The following OPCML variants were observed in gnomAD, a reference collection of about 807,000 sequenced individuals.
The protein encoded by OPCML is opioid binding protein/cell adhesion molecule like, also known as opioid-binding protein/cell adhesion molecule.
In OPCML, 13 loss-of-function variants were observed where a neutral mutation model predicts 37.8. The observed-to-expected ratio is 0.34, with a 90% CI of 0.22 to 0.55. OPCML has a LOEUF of 0.55. OPCML is among the 20% of genes least tolerant of loss of function. The pLI is 0.91. For missense variants in OPCML, 341 were observed against 435.6 expected (o/e 0.78, Z 1.93); for synonymous variants, 176 against 168.8 (o/e 1.04, Z -0.33).
chr11:133,076,797 C>T (rs761695195), intron 1 of OPCML, among the ~76,000 whole-genome samples: 4 of 152,092 alleles, frequency 2.6e-5, no homozygotes, highest in East Asian at 1.9e-4. Flanking sequence ...GATGGAGCAG[C>T]GTGAAACATG....
At chr11:132,773,551 A>T (rs531924077) in intron 2 of OPCML, among the ~76,000 whole-genome samples, 1 of 152,216 alleles carries the variant, frequency 6.6e-6, no homozygotes, top group South Asian at 2.1e-4. Flanking sequence ...AAGTCTCAGC[A>T]TCATGGTGGC....
At position 133,093,692 on chromosome 11, in the gene OPCML, G is replaced by A. The variant is rs372156377; in HGVS notation, c.62-150682C>T. The stretch of plus-strand genomic sequence containing the variant: ...ACAATACAGGTTCACTGGAGTAGAC[G>A]GTTTTTTCTCCAGGTGATGTGTCTG... On this transcript the variant is annotated intron_variant, in intron 1 of 7. Coordinates refer to ENST00000524381, the MANE Select transcript of OPCML (RefSeq NM_001012393.5). Among the ~76,000 whole-genome samples, 23 of 152,144 alleles carry A rather than the reference G, an allele frequency of 1.5e-4. No homozygotes were observed. In the East Asian group the frequency reaches 3.7e-3, roughly 24 times the overall value.
chr11:133,198,837 T>C (rs1437134359), intron 1 of OPCML, among the ~76,000 whole-genome samples: 1 of 152,214 alleles, frequency 6.6e-6, no homozygotes, highest in Non-Finnish European at 1.5e-5. Context: ...AGAAGATGTG[T>C]ATTCTGGATT....
intron 1 of OPCML, among the ~76,000 whole-genome samples, chr11:133,500,826 T>G (rs1947895036): frequency 6.6e-6 from 1 of 152,024 alleles, no homozygotes; most frequent in Non-Finnish European, 1.5e-5. Context: ...GAGAACAAAC[T>G]CAGAGACTAG....
chr11:132,679,634 T>G (rs1220569507), intron 2 of OPCML, among the ~76,000 whole-genome samples: 1 of 152,224 alleles, frequency 6.6e-6, no homozygotes, highest in Admixed American at 6.5e-5. Flanking sequence ...AGGTATGGGA[T>G]TAACCTGGAG....
Position 132,801,289 on chromosome 11 carries a change from G to A in OPCML, c.146+141637C>T, listed in dbSNP as rs114081879. Among the ~76,000 whole-genome samples the A allele has an allele frequency of 3.9e-3, 601 of 152,200 alleles. 7 individuals are homozygous for A. Among genetic ancestry groups the A allele is most frequent in the African/African-American group, 0.013 (542 of 41,526 alleles). ...TTTGAGTCTTCTCTTTCCCAGTCTA[G>A]CTAAAGGCTTGTCAATTTTGTTGAT... On this transcript the variant is annotated intron_variant, in intron 2 of 7. Coordinates refer to ENST00000524381, the MANE Select transcript of OPCML (RefSeq NM_001012393.5).
intron 1 of OPCML, among the ~76,000 whole-genome samples, chr11:133,375,610 C>T (rs1944785086): frequency 1.3e-5 from 2 of 152,110 alleles, no homozygotes; most frequent in South Asian, 2.1e-4. Flanking sequence ...GGGCACTGAA[C>T]CTGGGATCTC....
chr11:133,127,050 T>C (rs1316025452), intron 1 of OPCML, among the ~76,000 whole-genome samples: 1 of 152,108 alleles, frequency 6.6e-6, no homozygotes, highest in African/African-American at 2.4e-5. Context: ...CTCCAAACTT[T>C]CAAAATATAA....
chr11:132,955,014 T>A (rs953998000), intron 1 of OPCML, among the ~76,000 whole-genome samples: 1 of 152,066 alleles, frequency 6.6e-6, no homozygotes, highest in African/African-American at 2.4e-5. Context: ...AGGGCACTGA[T>A]GAATTTTGCA....
chr11:133,268,608 T>C (rs1350195221), intron 1 of OPCML, among the ~76,000 whole-genome samples: 2 of 152,242 alleles, frequency 1.3e-5, no homozygotes, highest in East Asian at 1.9e-4. Context: ...TGTTTTCATA[T>C]GATTTAATTA....
chr11:133,063,743 G>A (rs1414116904), intron 1 of OPCML, among the ~76,000 whole-genome samples: 1 of 152,132 alleles, frequency 6.6e-6, no homozygotes, highest in African/African-American at 2.4e-5. Context: ...TGTATTTTTA[G>A]TAGAGACGAA....
intron 2 of OPCML, among the ~76,000 whole-genome samples, chr11:132,717,531 T>G (rs1944535500): frequency 6.6e-6 from 1 of 152,162 alleles, no homozygotes; most frequent in Non-Finnish European, 1.5e-5. Context: ...CATCAAAATT[T>G]AACAGTCGTC....
At chr11:132,701,266 C>T (rs146228495) in intron 2 of OPCML, among the ~76,000 whole-genome samples, 1,777 of 152,228 alleles carry the variant, frequency 0.012, 27 homozygotes, top group Non-Finnish European at 0.017. Context: ...TCTCATGAGA[C>T]TTATTCACAG....
intron 1 of OPCML, chr11:133,007,879 G>T (rs903092312): frequency 1.0e-6 from 1 of 985,300 alleles, no homozygotes; most frequent in Non-Finnish European, 1.2e-6. Context: ...TGGGGAAAAT[G>T]GTTTATGCTT....
chr11:133,228,503 A>G (rs1940136700), intron 1 of OPCML, among the ~76,000 whole-genome samples: 1 of 152,234 alleles, frequency 6.6e-6, no homozygotes, highest in Non-Finnish European at 1.5e-5. Context: ...CAGTCCCTTC[A>G]GCACCTTCGC....
chr11:132,528,868 C>T (rs1405943156), intron 4 of OPCML, among the ~76,000 whole-genome samples, 193 bp downstream of exon 4: 1 of 152,216 alleles, frequency 6.6e-6, no homozygotes, highest in Non-Finnish European at 1.5e-5. Flanking sequence ...AAATGACTGA[C>T]ACCATCATTT....
In OPCML at chr11:132,943,848, C is replaced by T. The variant is rs1274786699; in HGVS notation, c.62-838G>A. ...ACGCGGCACGAGACGCGGGGACGCG[C>T]GGACGCCACGCTCAGCGGCCGCCCC... On this transcript the variant is annotated intron_variant, in intron 1 of 7. Coordinates refer to ENST00000524381, the MANE Select transcript of OPCML (RefSeq NM_001012393.5). The surrounding 1 kb of genome is among the most constrained non-coding windows in gnomAD (Gnocchi z 4.3). 6.6e-6 allele frequency: 1 copy of T among 150,794 alleles called. No individual in the cohort carries two copies. Among genetic ancestry groups the T allele is most frequent in the East Asian group, 1.9e-4 (1 of 5,154 alleles). 9.3% of individuals were successfully genotyped at this position (150,794 alleles called of 1,614,324 possible). A position where few individuals can be genotyped will look rare whatever the true frequency, so the allele number is the denominator to read the frequency against.
intron 1 of OPCML, among the ~76,000 whole-genome samples, chr11:133,436,586 C>T (rs2136927779): frequency 6.6e-6 from 1 of 152,264 alleles, no homozygotes; most frequent in Admixed American, 6.5e-5. Flanking sequence ...TCCATATTCA[C>T]ATTTGTGAGT....
intron 4 of OPCML, among the ~76,000 whole-genome samples, chr11:132,492,732 A>C (rs2096219946): frequency 6.6e-6 from 1 of 150,998 alleles, no homozygotes; most frequent in South Asian, 2.1e-4. Flanking sequence ...TAAAAGCATG[A>C]TATAGGATTT....
Sources: allele counts gnomAD v4.1 joint callset (sites outside exome capture counted in the v4.1 genomes callset), GRCh38; gene constraint gnomAD v4.1.1; non-coding constraint Gnocchi (gnomAD v3.1); transcripts MANE v1.5; gene names NCBI Gene and HGNC (gene_info 2026-07-23, HGNC 2026-07-21).